The following MPHOSPH6 variants were observed in gnomAD, a reference collection of about 807,000 sequenced individuals.
MPHOSPH6 encodes M-phase phosphoprotein 6.
Under a neutral mutation model 21.8 loss-of-function variants are expected in MPHOSPH6, and 25 were observed. That is an observed-to-expected ratio of 1.15 (90% CI 0.83 to 1.60). The LOEUF (loss-of-function observed/expected upper bound fraction) is 1.60. Among genes scored for constraint, MPHOSPH6 ranks in the 40% most tolerant of loss-of-function variants. The pLI, the probability that MPHOSPH6 is intolerant of heterozygous loss-of-function variation, is 0.00. For missense variants in MPHOSPH6, 269 were observed against 181.8 expected (o/e 1.48, Z -2.76); for synonymous variants, 84 against 56.5 (o/e 1.49, Z -2.18).
intron 1 of MPHOSPH6, 75 bp from the exon 2 acceptor site, chr16:82,164,269 C>G: frequency 1.1e-6 from 1 of 939,050 alleles, no homozygotes; most frequent in East Asian, 2.4e-5. Context: ...TAATTTTCTT[C>G]TTCTACTTGT....
chr16:82,153,842 T>G (rs147909554), intron 2 of MPHOSPH6, among the ~76,000 whole-genome samples: 1 of 152,284 alleles, frequency 6.6e-6, no homozygotes, highest in East Asian at 1.9e-4. Context: ...CTCCTACAGT[T>G]CTGTACAAAA....
Position 82,151,424 on chromosome 16 carries a change from C to T in MPHOSPH6, c.255G>A (p.Glu85=). 1 of 1,604,106 alleles carries T rather than the reference C, an allele frequency of 6.2e-7. No homozygotes were observed. The highest frequency in any genetic ancestry group is 1.1e-5 in the South Asian group (1 of 88,846). The change falls in exon 3 of 5, where the codon GAG becomes GAA. Residue 85 remains glutamate (E), a splice_region_variant and synonymous_variant. Coordinates refer to ENST00000258169, the MANE Select transcript of MPHOSPH6 (RefSeq NM_005792.2). ...MSFRGFNPEV[E]KLMLQMNAKH... is the part of the protein sequence containing the mutation. ...AATTTGAAGCAATTATATTTAATAC[C>T]TCAACCTCAGGATTAAATCCTCTGA...
At chr16:82,169,074 G>A (rs1567617654) in intron 1 of MPHOSPH6, among the ~76,000 whole-genome samples, 2 of 152,318 alleles carry the variant, frequency 1.3e-5, no homozygotes, top group East Asian at 3.9e-4. Flanking sequence ...AATTGCATAG[G>A]TTAATATACG....
intron 3 of MPHOSPH6, 78 bp from the exon 4 acceptor site, chr16:82,149,481 A>G: frequency 4.9e-6 from 6 of 1,229,522 alleles, no homozygotes; most frequent in South Asian, 1.2e-5. Context: ...ACCTGAAGGC[A>G]GAGAAACTGA....
rs1231025200 is a variant in MPHOSPH6, at chr16:82,164,283, C to T, written c.52-89G>A. ...ATAATTTTCTTCTTCTACTTGTTCT[C>T]CTTCATTTATCTATGGAACCCATCT... is the stretch of plus-strand genomic sequence containing the variant. On this transcript the variant is annotated intron_variant, in intron 1 of 4. Transcript: ENST00000258169. 3.7e-6 allele frequency: 3 copies of T among 804,522 alleles called. No homozygotes were observed. In the African/African-American group the frequency reaches 5.1e-5, roughly 14 times the overall value. The allele number at this position is 804,522 out of a possible 1,614,324, so 49.8% of individuals were successfully genotyped here.
At chr16:82,166,649 C>T (rs560530358) in intron 1 of MPHOSPH6, among the ~76,000 whole-genome samples, 1 of 150,578 alleles carries the variant, frequency 6.6e-6, no homozygotes, top group Non-Finnish European at 1.5e-5. Flanking sequence ...AAAGAGCTCA[C>T]TCAGTGAAAG....
intron 1 of MPHOSPH6, among the ~76,000 whole-genome samples, chr16:82,166,823 C>G (rs1906797224): frequency 6.6e-6 from 1 of 152,110 alleles, no homozygotes; most frequent in East Asian, 1.9e-4. Context: ...AGTCATGTAC[C>G]TATTCTTTTG....
chr16:82,148,938 A>C, intron 4 of MPHOSPH6, 75 bp from the exon 5 acceptor site: 1 of 1,517,198 alleles, frequency 6.6e-7, no homozygotes, highest in Non-Finnish European at 8.9e-7. Context: ...AGAATATCAG[A>C]CCAAATATGC....
intron 2 of MPHOSPH6, among the ~76,000 whole-genome samples, chr16:82,163,114 G>T (rs1477859595): frequency 6.6e-6 from 1 of 152,170 alleles, no homozygotes; most frequent in African/African-American, 2.4e-5. Context: ...CTTTAGAGAA[G>T]GGTATCTAAC....
intron 1 of MPHOSPH6, 130 bp downstream of exon 1, chr16:82,169,995 T>A: frequency 9.5e-7 from 1 of 1,054,276 alleles, no homozygotes. Context: ...AGTGAATGAA[T>A]GAGCACGAGA....
At chr16:82,157,098 C>T (rs1906452046) in intron 2 of MPHOSPH6, among the ~76,000 whole-genome samples, 1 of 152,046 alleles carries the variant, frequency 6.6e-6, no homozygotes, top group African/African-American at 2.4e-5. Flanking sequence ...CTGGAAACAA[C>T]CCAATCATGA....
chr16:82,162,308 A>T (rs763788540), intron 2 of MPHOSPH6: 7 of 152,248 alleles, frequency 4.6e-5, no homozygotes, highest in African/African-American at 1.7e-4. Flanking sequence ...CCATTCCATG[A>T]TCTCCCTATT....
rs6564992 is a variant in MPHOSPH6 at position 82,164,057 on chromosome 16, T to C, written c.164+25A>G. 0.05 allele frequency: 73,247 copies of C among 1,467,032 alleles called. 6,196 individuals carry two copies. Among genetic ancestry groups the C allele is most frequent in the African/African-American group, 0.37 (26,371 of 71,630 alleles). The allele number at this position is 1,467,032 out of a possible 1,614,324, so 90.9% of individuals were successfully genotyped here. A position where few individuals can be genotyped will look rare whatever the true frequency, so the allele number is the denominator to read the frequency against. ...TTCCTTCTGAATGCCACAAGCATCATCAGTATCAATTTTAATAAACCTACT... is the reference window on the plus strand; with the variant it reads ...TTCCTTCTGAATGCCACAAGCATCACCAGTATCAATTTTAATAAACCTACT... On this transcript the variant is annotated intron_variant, in intron 2 of 4. Transcript: ENST00000258169.
At chr16:82,149,482 G>A in intron 3 of MPHOSPH6, 79 bp from the exon 4 acceptor site, 1 of 1,229,350 alleles carries the variant, frequency 8.1e-7, no homozygotes, top group South Asian at 1.2e-5. Context: ...CCTGAAGGCA[G>A]AGAAACTGAA....
At chr16:82,169,365 C>A (rs1485800293) in intron 1 of MPHOSPH6, among the ~76,000 whole-genome samples, 1 of 152,126 alleles carries the variant, frequency 6.6e-6, no homozygotes, top group Non-Finnish European at 1.5e-5. Flanking sequence ...TAGTTTAGGA[C>A]GCTGTGCCTT....
In MPHOSPH6 at chr16:82,170,132, C is replaced by G; in HGVS notation, c.44G>C (p.Arg15Pro). Residue 15 changes from arginine (R) to proline (P), a missense_variant, in exon 1 of 5, where the codon CGC (arginine) becomes CCC (proline). Physicochemically the swap from Arg to Pro is moderately radical, Grantham distance 103. Coordinates refer to ENST00000258169, the MANE Select transcript of MPHOSPH6 (RefSeq NM_005792.2). Reference protein sequence around the residue: ...RKTRLSKNLLRMKFMQRGLDS... With the variant: ...RKTRLSKNLLPMKFMQRGLDS... Reference sequence around the variant, plus strand: ...CTCTCAGCGTCCCCGCACCTTCATGCGCAGTAGATTCTTGGACAACCTTGT... The same window carrying G: ...CTCTCAGCGTCCCCGCACCTTCATGGGCAGTAGATTCTTGGACAACCTTGT... 3 of 1,592,490 alleles carry G rather than the reference C, an allele frequency of 1.9e-6. No individual in the cohort carries two copies. The highest frequency in any genetic ancestry group is 2.6e-6 in the Non-Finnish European group (3 of 1,169,682).
intron 2 of MPHOSPH6, among the ~76,000 whole-genome samples, chr16:82,155,234 AAT>A (rs745338744): frequency 1.3e-5 from 2 of 152,240 alleles, no homozygotes; most frequent in Non-Finnish European, 2.9e-5. Flanking sequence ...CTTCATGTGT[AAT>A]AGAGAGAAAG....
At chr16:82,155,093 T>A (rs927692227) in intron 2 of MPHOSPH6, among the ~76,000 whole-genome samples, 11 of 152,260 alleles carry the variant, frequency 7.2e-5, no homozygotes, top group Non-Finnish European at 1.3e-4. Context: ...ATTAACAAAA[T>A]AAAAATCATG....
rs568037373 is a variant in MPHOSPH6 at position 82,150,990 on chromosome 16, A to C, written c.255+434T>G. ...TTCATTTTTCAAACAAACTGTCGAA[A>C]GGATTCATTTAAAAATCTACTTACA... is the stretch of plus-strand genomic sequence containing the variant. On this transcript the variant is annotated intron_variant, in intron 3 of 4. Transcript: ENST00000258169. The C allele has an allele frequency of 3.8e-4, 58 of 154,282 alleles. No individual in the cohort carries two copies. The South Asian group carries it at 0.012, about 31-fold the overall frequency. 9.6% of individuals were successfully genotyped at this position (154,282 alleles called of 1,614,324 possible).
Sources: allele counts gnomAD v4.1 joint callset (sites outside exome capture counted in the v4.1 genomes callset), GRCh38; gene constraint gnomAD v4.1.1; transcripts MANE v1.5; gene names NCBI Gene and HGNC (gene_info 2026-07-23, HGNC 2026-07-21).